TNIP3: variants seen among roughly 807,000 people sequenced by gnomAD.
TNIP3 encodes the protein TNFAIP3-interacting protein 3.
TNIP3 carries 34 observed loss-of-function variants against 54.1 expected under a neutral mutation model. The observed-to-expected ratio is 0.63, with a 90% confidence interval of 0.48 to 0.84. The LOEUF is 0.84. TNIP3 is among the 40% of genes least tolerant of loss of function. The pLI is 0.00. For synonymous variants in TNIP3, 134 were observed against 136.8 expected (o/e 0.98, Z 0.14); for missense variants, 366 against 387.6 (o/e 0.94, Z 0.47).
At chr4:121,195,548 G>A (rs1011382466) in intron 2 of TNIP3, among the ~76,000 whole-genome samples, 7 of 152,142 alleles carry the variant, frequency 4.6e-5, no homozygotes, top group African/African-American at 9.7e-5. Context: ...TCAAACAATC[G>A]AATTCAGATG....
intron 2 of TNIP3, among the ~76,000 whole-genome samples, chr4:121,203,326 G>A (rs574302863): frequency 7.2e-5 from 11 of 152,244 alleles, no homozygotes; most frequent in Admixed American, 7.2e-4. Flanking sequence ...CAGCAGCCTG[G>A]ATAGAATTAG....
chr4:121,223,001 T>A (rs1298741515), intron 1 of TNIP3, among the ~76,000 whole-genome samples: 1 of 152,140 alleles, frequency 6.6e-6, no homozygotes, highest in Non-Finnish European at 1.5e-5. Flanking sequence ...GAGATAGGGT[T>A]TCACCGTGTT....
In TNIP3 at chr4:121,179,823, G is replaced by A. The variant is rs116268505; in HGVS notation, c.189+2853C>T. Among the ~76,000 whole-genome samples, 1,233 of 152,074 alleles carry A rather than the reference G, an allele frequency of 8.1e-3. 20 individuals are homozygous for A. The highest frequency in any genetic ancestry group is 0.028 in the African/African-American group (1,170 of 41,460). ...AAAATGTGTGTGTGGTGGCCAGGGT[G>A]GGGGAGGGATGACAAGCAGATATAG... On this transcript the variant is annotated intron_variant, in intron 3 of 12. Coordinates refer to the TNIP3 transcript ENST00000507879.
intron 6 of TNIP3, 104 bp from the exon 7 acceptor site, chr4:121,147,278 C>A: frequency 1.4e-6 from 2 of 1,390,556 alleles, no homozygotes; most frequent in Non-Finnish European, 1.9e-6. Context: ...TTGTAAAGAA[C>A]CCTCCCAACT....
At chr4:121,193,323 G>C (rs1324672607) in intron 2 of TNIP3, among the ~76,000 whole-genome samples, 1 of 152,086 alleles carries the variant, frequency 6.6e-6, no homozygotes, top group Non-Finnish European at 1.5e-5. Flanking sequence ...TTTCGTGCCA[G>C]AAATTAGGCA....
intron 2 of TNIP3, among the ~76,000 whole-genome samples, chr4:121,185,183 A>T (rs1234317295): frequency 1.3e-5 from 2 of 152,198 alleles, no homozygotes; most frequent in African/African-American, 4.8e-5. Flanking sequence ...TATCTTTCTA[A>T]TCTCACCTTC....
intron 2 of TNIP3, among the ~76,000 whole-genome samples, chr4:121,188,190 T>C (rs185126277): frequency 6.6e-6 from 1 of 152,240 alleles, no homozygotes; most frequent in African/African-American, 2.4e-5. Context: ...AGAAATCTCC[T>C]TCCTTCCTGC....
intron 6 of TNIP3, among the ~76,000 whole-genome samples, chr4:121,147,939 A>G (rs577114891): frequency 6.6e-6 from 1 of 152,332 alleles, no homozygotes; most frequent in South Asian, 2.1e-4. Context: ...AGAAATTAAA[A>G]ATTTTGTATA....
intron 2 of TNIP3, among the ~76,000 whole-genome samples, chr4:121,184,882 C>G (rs1724924900): frequency 6.6e-6 from 1 of 152,196 alleles, no homozygotes; most frequent in African/African-American, 2.4e-5. Context: ...GTTTTTTCCA[C>G]AAACCTGTGA....
In TNIP3 at chr4:121,182,674, A is replaced by G. The variant is rs1422388262; in HGVS notation, c.189+2T>C. 5.2e-6 allele frequency: 8 copies of G among 1,533,828 alleles called. No homozygotes were observed. The highest frequency in any genetic ancestry group is 7.0e-6 in the Non-Finnish European group (8 of 1,146,774). On this transcript the variant is annotated splice_donor_variant, in intron 3 of 12. Transcript: ENST00000507879. LOFTEE classifies it high-confidence loss of function. ...ATAAGGAGAAAAAAGGTGTTTTCTT[A>G]CCTTCAGAGAACATAGATTTCTGTG...
chr4:121,182,163 C>T (rs1724752735), intron 3 of TNIP3, among the ~76,000 whole-genome samples: 1 of 152,154 alleles, frequency 6.6e-6, no homozygotes, highest in East Asian at 1.9e-4. Flanking sequence ...TAGCTTGAGC[C>T]TACCCTTGAA....
At chr4:121,180,559 G>T (rs952662721) in intron 3 of TNIP3, among the ~76,000 whole-genome samples, 2 of 152,208 alleles carry the variant, frequency 1.3e-5, no homozygotes, top group Non-Finnish European at 2.9e-5. Context: ...ATAGCAGAGG[G>T]AAAGTTTTGG....
chr4:121,147,163 G>T lies in TNIP3; in HGVS notation c.621C>A (p.Tyr207Ter). 1 of 1,609,122 alleles carries T rather than the reference G, an allele frequency of 6.2e-7. No homozygotes were observed. The highest frequency in any genetic ancestry group is 2.2e-5 in the East Asian group (1 of 44,652). Reference protein sequence around the residue: ...MEVLKQQVQIYEEDFKKERSD... With the variant: ...MEVLKQQVQI ...ATCGTTCCTTTTTGAAGTCTTCTTC[G>T]TATATTTGCACCTAAGAAATATTAG... The change falls in exon 7 of 11, where the codon TAC becomes TAA. Residue 207 changes from tyrosine to a stop codon, truncating the protein, a stop_gained. Transcript: ENST00000057513. LOFTEE classifies it high-confidence loss of function.
rs1729670412 is a variant in TNIP3 at position 121,150,273 on chromosome 4, T to C, written c.493-54A>G. 5.3e-6 allele frequency: 6 copies of C among 1,125,644 alleles called. No homozygotes were observed. The South Asian group carries it at 8.5e-5, about 16-fold the overall frequency. The allele number at this position is 1,125,644 out of a possible 1,614,324, so 69.7% of individuals were successfully genotyped here. A position where few individuals can be genotyped will look rare whatever the true frequency, so the allele number is the denominator to read the frequency against. On this transcript the variant is annotated intron_variant, in intron 5 of 10. Transcript: ENST00000057513. ...TCTAAGATTTACCACATGGAATGAA[T>C]TCTTTTATAATTGTTACAATCATCT...
intron 2 of TNIP3, among the ~76,000 whole-genome samples, chr4:121,201,016 T>C (rs1560689019): frequency 6.6e-6 from 1 of 152,178 alleles, no homozygotes; most frequent in Non-Finnish European, 1.5e-5. Flanking sequence ...TGGAACTGTG[T>C]GCTGGGGAAG....
chr4:121,145,852 C>CA (rs969508698), intron 7 of TNIP3, among the ~76,000 whole-genome samples: 11 of 151,160 alleles, frequency 7.3e-5, no homozygotes, highest in Admixed American at 6.6e-5. Context: ...AATAAAAATA[C>CA]AAAAAAATTA....
upstream of TNIP3, among the ~76,000 whole-genome samples, chr4:121,168,355 C>A (rs1332820457): frequency 2.0e-5 from 3 of 151,924 alleles, no homozygotes; most frequent in African/African-American, 7.2e-5. Context: ...TACAGGCATG[C>A]ACCACCATGC....
chr4:121,198,237 T>A (rs1294873482), intron 2 of TNIP3, among the ~76,000 whole-genome samples: 2 of 151,818 alleles, frequency 1.3e-5, no homozygotes, highest in Non-Finnish European at 2.9e-5. Flanking sequence ...GCAAAAGGAA[T>A]AAGCTACAGA....
chr4:121,194,487 T>C (rs1168617807), intron 2 of TNIP3, among the ~76,000 whole-genome samples: 1 of 152,066 alleles, frequency 6.6e-6, no homozygotes, highest in African/African-American at 2.4e-5. Context: ...TTTCTTGGGG[T>C]TTACGAAATT....
Sources: allele counts gnomAD v4.1 joint callset (sites outside exome capture counted in the v4.1 genomes callset), GRCh38; gene constraint gnomAD v4.1.1; transcripts MANE v1.5; gene names NCBI Gene and HGNC (gene_info 2026-07-23, HGNC 2026-07-21).